The following MTSS1 variants were observed in gnomAD, a reference collection of about 807,000 sequenced individuals.
The protein encoded by MTSS1 is protein MTSS 1.
A neutral mutation model predicts 79.0 loss-of-function variants in MTSS1; 18 were observed. The ratio of observed to expected loss-of-function variants is 0.23; its 90% CI spans 0.16 to 0.34. The LOEUF (loss-of-function observed/expected upper bound fraction) is 0.34, where lower values mean the gene tolerates loss of function less well. Ranked by LOEUF, MTSS1 falls within the 10% of genes least tolerant of loss-of-function variation. MTSS1 has a pLI of 1.00. For synonymous variants in MTSS1, 341 were observed against 368.6 expected (o/e 0.93, Z 0.86); for missense variants, 815 against 986.2 (o/e 0.83, Z 2.33).
Position 124,552,751 on chromosome 8 carries a change from G to A in MTSS1, c.*241C>T. On this transcript the variant is annotated 3_prime_UTR_variant, in exon 14 of 14. Transcript: ENST00000518547. ...TGGCACCTTCAGAAAAATCAAAAGG[G>A]AAACTAAGATTAAAATGTGCAGAAA... is the stretch of plus-strand genomic sequence containing the variant. 2.2e-6 allele frequency: 1 copy of A among 456,558 alleles called. No homozygotes were observed. Among genetic ancestry groups the A allele is most frequent in the Non-Finnish European group, 3.8e-6 (1 of 261,710 alleles). The allele number at this position is 456,558 out of a possible 1,614,324, so 28.3% of individuals were successfully genotyped here.
intron 5 of MTSS1, among the ~76,000 whole-genome samples, chr8:124,587,276 A>C (rs1296617202): frequency 2.0e-5 from 3 of 152,220 alleles, no homozygotes; most frequent in Non-Finnish European, 4.4e-5. Flanking sequence ...CAGCCAACAC[A>C]AAGTGAATTG....
chr8:124,632,277 C>T (rs1259750486), intron 3 of MTSS1, among the ~76,000 whole-genome samples: 2 of 87,554 alleles, frequency 2.3e-5, no homozygotes, highest in East Asian at 3.3e-4. Context: ...GAGACTCTGT[C>T]TCAAAAAAAA....
Position 124,597,692 on chromosome 8 carries a change from C to T in MTSS1, c.209-6457G>A, listed in dbSNP as rs1158465602. 2.0e-5 allele frequency among the ~76,000 whole-genome samples: 3 copies of T among 152,226 alleles called. No individual in the cohort carries two copies. The highest frequency in any genetic ancestry group is 4.4e-5 in the Non-Finnish European group (3 of 68,046). ...AGCGAGGACTGAAAAGACGTTTTGT[C>T]AGGCCCAGCTTCTGCAGCGTGGAGG... On this transcript the variant is annotated intron_variant, in intron 3 of 13. Transcript: ENST00000518547. The surrounding 1 kb of genome is among the most constrained non-coding windows in gnomAD (Gnocchi z 4.6).
chr8:124,556,175 G>T (rs757493607), intron 12 of MTSS1, 57 bp downstream of exon 12: 1 of 1,611,196 alleles, frequency 6.2e-7, no homozygotes, highest in Non-Finnish European at 8.5e-7. Context: ...TGGCCAGAAT[G>T]TGATCCCCAG....
chr8:124,640,778 G>A (rs891917991), intron 3 of MTSS1, among the ~76,000 whole-genome samples: 12 of 152,130 alleles, frequency 7.9e-5, no homozygotes, highest in African/African-American at 2.6e-4. Flanking sequence ...TCTTGACCTC[G>A]TGATCCACCC....
chr8:124,591,801 G>C (rs984068804), intron 3 of MTSS1, among the ~76,000 whole-genome samples: 5 of 151,094 alleles, frequency 3.3e-5, no homozygotes, highest in Non-Finnish European at 1.5e-5. Context: ...TTTTTTTTGA[G>C]ATGGAATCTT....
intron 3 of MTSS1, among the ~76,000 whole-genome samples, chr8:124,689,625 A>T (rs990938059): frequency 6.6e-6 from 1 of 151,872 alleles, no homozygotes; most frequent in Non-Finnish European, 1.5e-5. Flanking sequence ...GCATGCCTGT[A>T]ATCCTAACTA....
At chr8:124,555,032 CAAG>C (rs1225489144) in intron 13 of MTSS1, among the ~76,000 whole-genome samples, 1 of 152,050 alleles carries the variant, frequency 6.6e-6, no homozygotes, top group African/African-American at 2.4e-5. Flanking sequence ...TCTGTAGAGA[CAAG>C]AGTTTTGCCA....
chr8:124,585,786 C>A (rs1037103470), intron 5 of MTSS1, among the ~76,000 whole-genome samples: 2 of 152,112 alleles, frequency 1.3e-5, no homozygotes, highest in African/African-American at 4.8e-5. Flanking sequence ...ATATTATCTA[C>A]TTTCCCCGGG....
At chr8:124,585,041 G>C in intron 6 of MTSS1, 46 bp downstream of exon 6, 1 of 1,505,316 alleles carries the variant, frequency 6.6e-7, no homozygotes, top group Non-Finnish European at 9.2e-7. Flanking sequence ...AACAAATCAA[G>C]TACTCCATCA....
intron 3 of MTSS1, among the ~76,000 whole-genome samples, chr8:124,680,228 G>A (rs901119698): frequency 5.3e-5 from 8 of 152,194 alleles, no homozygotes; most frequent in African/African-American, 1.9e-4. Flanking sequence ...GGAACACAAG[G>A]GCTGTGTCCA....
At chr8:124,641,748 CAG>C (rs1818092033) in intron 3 of MTSS1, among the ~76,000 whole-genome samples, 1 of 152,172 alleles carries the variant, frequency 6.6e-6, no homozygotes, top group African/African-American at 2.4e-5. Context: ...TAGCTGGAGT[CAG>C]AGTGTTCCCC....
At chr8:124,578,345 C>T (rs943981389) in intron 6 of MTSS1, among the ~76,000 whole-genome samples, 1 of 152,122 alleles carries the variant, frequency 6.6e-6, no homozygotes, top group African/African-American at 2.4e-5. Context: ...ATGACAAGAG[C>T]CATGTGTTGG....
intron 3 of MTSS1, among the ~76,000 whole-genome samples, chr8:124,667,405 G>C (rs4870917): frequency 0.12 from 18,558 of 152,230 alleles, 1,524 homozygotes; most frequent in East Asian, 0.23. Context: ...AGCACTTCGG[G>C]AGGCCGAGGC....
At chr8:124,574,126 G>A (rs915544913) in intron 6 of MTSS1, among the ~76,000 whole-genome samples, 10 of 151,902 alleles carry the variant, frequency 6.6e-5, no homozygotes, top group Non-Finnish European at 1.2e-4. Context: ...TGTATTTTTT[G>A]TAGAGACAGG....
chr8:124,591,143 C>T lies in MTSS1; in HGVS notation c.293+8G>A, dbSNP rs528074679. On this transcript the variant is annotated splice_region_variant and intron_variant, in intron 4 of 13. Transcript: ENST00000518547. ...TGTTGGCGATCGGGGCCAAAACATGCTCCTCACCTCGAAAACTGCCTCAGC... is the reference window on the plus strand; with the variant it reads ...TGTTGGCGATCGGGGCCAAAACATGTTCCTCACCTCGAAAACTGCCTCAGC... 6.8e-6 allele frequency: 11 copies of T among 1,613,844 alleles called. No homozygotes were observed. In the African/African-American group the frequency reaches 1.2e-4, roughly 18 times the overall value.
At chr8:124,681,980 CCA>C (rs1440270093) in intron 3 of MTSS1, among the ~76,000 whole-genome samples, 67 of 152,248 alleles carry the variant, frequency 4.4e-4, no homozygotes, top group Non-Finnish European at 5.6e-4. Flanking sequence ...CTCAAAGACT[CCA>C]CACACAGCCT....
In MTSS1 at chr8:124,552,811, G is replaced by A; in HGVS notation, c.*181C>T. 1.8e-6 allele frequency: 1 copy of A among 550,062 alleles called. No individual in the cohort carries two copies. The allele number at this position is 550,062 out of a possible 1,614,324, so 34.1% of individuals were successfully genotyped here. ...CAATATTTACAAATTAAAAGATCAA[G>A]ATTATGTCAGTTACATAGGTTGGTT... is the stretch of plus-strand genomic sequence containing the variant. On this transcript the variant is annotated 3_prime_UTR_variant, in exon 14 of 14. Coordinates refer to ENST00000518547, the MANE Select transcript of MTSS1 (RefSeq NM_014751.6).
At chr8:124,634,859 T>G (rs1236252379) in intron 3 of MTSS1, among the ~76,000 whole-genome samples, 1 of 152,190 alleles carries the variant, frequency 6.6e-6, no homozygotes, top group Non-Finnish European at 1.5e-5. Context: ...GAACCTACAT[T>G]TGACAGGATC....
Sources: gnomAD v4.1 joint callset for allele counts (sites outside exome capture counted in the v4.1 genomes callset) on GRCh38, gnomAD v4.1.1 for gene constraint, Gnocchi (gnomAD v3.1) non-coding constraint, MANE v1.5 for transcripts, NCBI Gene and HGNC (gene_info 2026-07-23, HGNC 2026-07-21) for gene names.